Variants in GCFC2 observed in about 807,000 individuals in gnomAD.
GCFC2 encodes the protein GC-rich sequence DNA-binding factor 2, also known as intron Large complex component GCFC2.
In GCFC2, 102 loss-of-function variants were observed where a neutral mutation model predicts 99.4. The ratio of observed to expected loss-of-function variants is 1.03; its 90% confidence interval spans 0.87 to 1.21. GCFC2 has a LOEUF of 1.21. GCFC2 is among the 50% of genes most tolerant of loss of function. The pLI, the probability that GCFC2 is intolerant of heterozygous loss-of-function variation, is 0.00. For synonymous variants in GCFC2, 338 were observed against 316.8 expected, an observed-to-expected ratio of 1.07 and a Z score of -0.71; for missense variants, 973 against 920.9, an observed-to-expected ratio of 1.06 and a Z score of -0.73.
intron 9 of GCFC2, 64 bp downstream of exon 9, chr2:75,689,905 C>T: frequency 1.2e-6 from 1 of 842,776 alleles, no homozygotes; most frequent in South Asian, 1.5e-5. Flanking sequence ...AGGGCAATCC[C>T]AGCAAAGTGT....
intron 14 of GCFC2, 54 bp from the exon 15 acceptor site, chr2:75,670,338 TA>T: frequency 8.1e-7 from 1 of 1,239,968 alleles, no homozygotes; most frequent in Non-Finnish European, 1.2e-6. Context: ...GAAACTGTAA[TA>T]GTCTCTAACA....
At chr2:75,680,647 G>A (rs1558736978) in intron 11 of GCFC2, among the ~76,000 whole-genome samples, 1 of 151,964 alleles carries the variant, frequency 6.6e-6, no homozygotes, top group African/African-American at 2.4e-5. Flanking sequence ...CTCTCTCTCT[G>A]TCTCTCAGGT....
intron 4 of GCFC2, among the ~76,000 whole-genome samples, chr2:75,699,224 T>TA (rs1680466676): frequency 6.6e-6 from 1 of 152,170 alleles, no homozygotes; most frequent in South Asian, 2.1e-4. Flanking sequence ...TTTGGTTATT[T>TA]AAAAAAAGAT....
chr2:75,703,728 T>C lies in GCFC2; in HGVS notation c.395-1305A>G, dbSNP rs1434694926. ...TACACATCAGAGTCACCTGAGAAGC[T>C]TGACATACCCAGGCCTCTATACCAG... is the stretch of plus-strand genomic sequence containing the variant. On this transcript the variant is annotated intron_variant, in intron 2 of 16. Transcript: ENST00000321027. Among the ~76,000 whole-genome samples the C allele has an allele frequency of 3.3e-5, 5 of 152,174 alleles. No homozygotes were observed. The East Asian group carries it at 7.7e-4, about 23-fold the overall frequency.
At chr2:75,690,565 GT>G in intron 8 of GCFC2, 72 bp downstream of exon 8, 1 of 777,832 alleles carries the variant, frequency 1.3e-6, no homozygotes, top group Non-Finnish European at 2.2e-6. Context: ...ACATCATGTG[GT>G]TAATTATATT....
chr2:75,691,930 T>A, intron 7 of GCFC2, 47 bp downstream of exon 7: 1 of 1,058,332 alleles, frequency 9.4e-7, no homozygotes, highest in Non-Finnish European at 1.3e-6. Flanking sequence ...CTTCACATAA[T>A]TTAGCTTAAT....
chr2:75,673,278 A>G (rs1679200767), intron 13 of GCFC2, among the ~76,000 whole-genome samples, 166 bp downstream of exon 13: 1 of 152,054 alleles, frequency 6.6e-6, no homozygotes, highest in Non-Finnish European at 1.5e-5. Flanking sequence ...ACTGCACTCC[A>G]GCCTGGGCGA....
chr2:75,665,645 A>G (rs950905872), intron 16 of GCFC2, among the ~76,000 whole-genome samples: 1 of 152,236 alleles, frequency 6.6e-6, no homozygotes, highest in African/African-American at 2.4e-5. Context: ...AATTAAAAAC[A>G]CATTTAAAAA....
At chr2:75,697,430 A>G (rs1384660626) in intron 4 of GCFC2, among the ~76,000 whole-genome samples, 1 of 152,342 alleles carries the variant, frequency 6.6e-6, no homozygotes, top group East Asian at 1.9e-4. Context: ...CCATTCAAAT[A>G]TCACCACTTC....
At chr2:75,670,047 A>T in intron 15 of GCFC2, 91 bp downstream of exon 15, 1 of 822,648 alleles carries the variant, frequency 1.2e-6, no homozygotes. Context: ...TATGAGTACC[A>T]CACATTTAAT....
At chr2:75,692,507 C>T (rs985319388) in intron 6 of GCFC2, among the ~76,000 whole-genome samples, 8 of 152,088 alleles carry the variant, frequency 5.3e-5, no homozygotes, top group African/African-American at 4.8e-5. Flanking sequence ...ATTAGCCAGG[C>T]GCAGTGGCAC....
chr2:75,711,875 G>A (rs1458700267), upstream of GCFC2, among the ~76,000 whole-genome samples: 1 of 152,264 alleles, frequency 6.6e-6, no homozygotes, highest in Non-Finnish European at 1.5e-5. Context: ...ATGGGCTCCT[G>A]TGCTGCCCGA....
chr2:75,688,941 AG>A, intron 10 of GCFC2, 84 bp downstream of exon 10: 1 of 735,498 alleles, frequency 1.4e-6, no homozygotes, highest in Non-Finnish European at 2.3e-6. Context: ...TCTAAGGGTA[AG>A]GTATTTAATG....
chr2:75,702,183 A>G lies in GCFC2; in HGVS notation c.619+16T>C. ...ATAAAAAATATCCTAATCTTCATAT[A>G]TTGGTAAATCCATACTTGATTCCTC... On this transcript the variant is annotated intron_variant, in intron 3 of 16. Transcript: ENST00000321027. 1 of 1,595,770 alleles carries G rather than the reference A, an allele frequency of 6.3e-7. No homozygotes were observed. Among genetic ancestry groups the G allele is most frequent in the Admixed American group, 1.7e-5 (1 of 59,880 alleles).
intron 1 of GCFC2, among the ~76,000 whole-genome samples, chr2:75,708,508 T>G (rs1389937858): frequency 8.4e-6 from 1 of 119,760 alleles, no homozygotes; most frequent in African/African-American, 3.9e-5. Flanking sequence ...CAACTTTTTT[T>G]TTTTTTTTTT....
chr2:75,669,682 T>C (rs547072044), intron 15 of GCFC2, among the ~76,000 whole-genome samples: 2 of 152,344 alleles, frequency 1.3e-5, no homozygotes, highest in Non-Finnish European at 2.9e-5. Context: ...CAGTATACTC[T>C]TTCTTAAATA....
chr2:75,673,650 G>T, intron 12 of GCFC2, 130 bp from the exon 13 acceptor site: 1 of 609,968 alleles, frequency 1.6e-6, no homozygotes, highest in Non-Finnish European at 3.0e-6. Context: ...ACTATCAATT[G>T]GGTACAAAAA....
chr2:75,705,672 G>T (rs571257855), intron 2 of GCFC2, among the ~76,000 whole-genome samples: 3 of 148,616 alleles, frequency 2.0e-5, no homozygotes, highest in Admixed American at 6.7e-5. Flanking sequence ...TATTACAAGC[G>T]TCATAAAATA....
chr2:75,669,386 T>A (rs1309434766), intron 15 of GCFC2, among the ~76,000 whole-genome samples: 1 of 152,174 alleles, frequency 6.6e-6, no homozygotes, highest in Non-Finnish European at 1.5e-5. Flanking sequence ...TTAATCCCAA[T>A]ACCTTTTTGA....
Sources: gnomAD v4.1 joint callset for allele counts (sites outside exome capture counted in the v4.1 genomes callset) on GRCh38, gnomAD v4.1.1 for gene constraint, MANE v1.5 for transcripts, NCBI Gene and HGNC (gene_info 2026-07-23, HGNC 2026-07-21) for gene names.